CFHR5: variants seen among roughly 807,000 people sequenced by gnomAD.
The protein encoded by CFHR5 is complement factor H-related protein 5.
Under a neutral mutation model 62.9 loss-of-function variants are expected in CFHR5, and 73 were observed. The observed-to-expected ratio is 1.16, with a 90% CI of 0.96 to 1.41. The LOEUF (loss-of-function observed/expected upper bound fraction) is 1.41, where lower values mean the gene tolerates loss of function less well. Among genes scored for constraint, CFHR5 ranks in the 40% most tolerant of loss-of-function variants. The pLI, the probability that CFHR5 is intolerant of heterozygous loss-of-function variation, is 0.00. For missense variants in CFHR5, 779 were observed against 679.9 expected (o/e 1.15, Z -1.62); for synonymous variants, 249 against 227.2 (o/e 1.10, Z -0.86).
At chr1:196,976,323 T>C (rs188277947), upstream of CFHR5, among the ~76,000 whole-genome samples, 250 of 152,292 alleles carry the variant, frequency 1.6e-3, no homozygotes, top group African/African-American at 5.8e-3. Flanking sequence ...GGGCACTTTG[T>C]TGCTTGCTTC....
intron 3 of CFHR5, among the ~76,000 whole-genome samples, chr1:196,991,024 T>A (rs550068267): frequency 6.6e-6 from 1 of 152,128 alleles, no homozygotes; most frequent in Non-Finnish European, 1.5e-5. Context: ...GATTTGGTTT[T>A]TCACATAGTC....
Position 196,998,321 on chromosome 1 carries a change from A to G in CFHR5, c.1147+17A>G. 6.2e-7 allele frequency: 1 copy of G among 1,602,082 alleles called. No homozygotes were observed. Among genetic ancestry groups the G allele is most frequent in the Non-Finnish European group, 8.5e-7 (1 of 1,170,890 alleles). ...ACTGCACAGGTAAGATTTGTTTAAA[A>G]CATTTTGTTGATCTTGTTGCTTCTT... is the stretch of plus-strand genomic sequence containing the variant. On this transcript the variant is annotated intron_variant, in intron 7 of 9. Coordinates refer to ENST00000256785, the MANE Select transcript of CFHR5 (RefSeq NM_030787.4).
At position 197,004,663 on chromosome 1, in the gene CFHR5, T is replaced by C; in HGVS notation, c.1333T>C (p.Ser445Pro). 6.2e-7 allele frequency: 1 copy of C among 1,612,096 alleles called. No homozygotes were observed. The part of the protein sequence containing the change: ...RWQSLPRCVE[S>P]TAYCGPPPSI... ...AACAAATAAATGCTGTTTTCCAGAG[T>C]CTACTGCATATTGTGGGCCCCCTCC... The change falls in exon 9 of 10, where the codon TCT becomes CCT. Residue 445 changes from serine (S) to proline (P), a missense_variant and splice_region_variant. Physicochemically the swap from Ser to Pro is moderately conservative, Grantham distance 74. Transcript: ENST00000256785.
chr1:196,994,204 C>T lies in CFHR5; in HGVS notation c.555C>T (p.Asp185=), dbSNP rs2125033663. Residue 185 remains aspartate, a synonymous_variant, in exon 4 of 10, where the codon GAC becomes GAT. Transcript: ENST00000256785. The part of the protein sequence containing the change: ...CRKNLIRVGS[D]SVQCYQFGWS... ...AAAATCTTATAAGAGTTGGATCAGA[C>T]TCAGTTCAATGTTACCAATTTGGGT... 6.2e-7 allele frequency: 1 copy of T among 1,613,540 alleles called. No homozygotes were observed. Among genetic ancestry groups the T allele is most frequent in the Non-Finnish European group, 8.5e-7 (1 of 1,179,662 alleles).
At chr1:196,995,934 C>G in intron 5 of CFHR5, 35 bp downstream of exon 5, 3 of 1,596,462 alleles carry the variant, frequency 1.9e-6, no homozygotes, top group Non-Finnish European at 2.6e-6. Context: ...AGGACAGTTA[C>G]TATTACTTTG....
chr1:196,999,766 C>G (rs1033734656), intron 7 of CFHR5, among the ~76,000 whole-genome samples: 12 of 142,872 alleles, frequency 8.4e-5, no homozygotes, highest in Admixed American at 1.5e-4. Context: ...TATATACACA[C>G]ACACATATAT....
At chr1:196,975,373 C>A (rs1260157542), upstream of CFHR5, among the ~76,000 whole-genome samples, 3 of 152,058 alleles carry the variant, frequency 2.0e-5, no homozygotes, top group Non-Finnish European at 4.4e-5. Context: ...TGTTGCTCTT[C>A]ATGATGAAAG....
Position 196,998,148 on chromosome 1 carries a change from T to A in CFHR5, c.991T>A (p.Cys331Ser). The change falls in exon 7 of 10, where the codon TGC (cysteine) becomes AGC (serine). Residue 331 changes from cysteine to serine, a missense_variant. Coordinates refer to ENST00000256785, the MANE Select transcript of CFHR5 (RefSeq NM_030787.4). ...TATAGCAACACACCAACTTAAGAGG[T>A]GCAAAATAGCAGGAGTTAATATAAA... ...MCVATHQLKR[C>S]KIAGVNIKTL... 1 of 1,557,056 alleles carries A rather than the reference T, an allele frequency of 6.4e-7. No homozygotes were observed. The highest frequency in any genetic ancestry group is 1.2e-5 in the South Asian group (1 of 84,554).
chr1:196,983,756 A>G (rs576947035), intron 2 of CFHR5, among the ~76,000 whole-genome samples: 1 of 152,320 alleles, frequency 6.6e-6, no homozygotes, highest in East Asian at 1.9e-4. Context: ...CCATACAGCA[A>G]CAACATGAAA....
chr1:196,997,496 C>T (rs1654024996), intron 6 of CFHR5, among the ~76,000 whole-genome samples: 1 of 152,110 alleles, frequency 6.6e-6, no homozygotes, highest in African/African-American at 2.4e-5. Context: ...TAACTATCTA[C>T]ATGTTTATGG....
chr1:196,981,335 C>T (rs777481720), intron 1 of CFHR5, among the ~76,000 whole-genome samples: 3 of 151,582 alleles, frequency 2.0e-5, no homozygotes, highest in Non-Finnish European at 4.4e-5. Context: ...AAGAGTAAAC[C>T]CTAATGTAAA....
chr1:196,978,079 G>A (rs554476155), intron 1 of CFHR5, among the ~76,000 whole-genome samples: 1 of 152,132 alleles, frequency 6.6e-6, no homozygotes, highest in East Asian at 1.9e-4. Context: ...AACCCCAAAA[G>A]ATTTGGCCAC....
chr1:196,979,681 C>A (rs1385446608), intron 1 of CFHR5, among the ~76,000 whole-genome samples: 1 of 152,020 alleles, frequency 6.6e-6, no homozygotes, highest in Admixed American at 6.6e-5. Flanking sequence ...CCATACACTA[C>A]TGTAAACTTC....
chr1:196,977,186 CAG>C (rs1352620080), upstream of CFHR5, among the ~76,000 whole-genome samples: 4 of 151,642 alleles, frequency 2.6e-5, no homozygotes, highest in Non-Finnish European at 4.4e-5. Context: ...TTCTTAGTGC[CAG>C]TTTTAAAAGG....
chr1:196,987,784 G>A (rs1653733768), intron 3 of CFHR5, among the ~76,000 whole-genome samples: 2 of 152,156 alleles, frequency 1.3e-5, no homozygotes, highest in African/African-American at 2.4e-5. Flanking sequence ...TTGTAGTATA[G>A]TTTGAAGTTA....
At chr1:196,981,019 T>G (rs1653528133) in intron 1 of CFHR5, among the ~76,000 whole-genome samples, 1 of 152,160 alleles carries the variant, frequency 6.6e-6, no homozygotes, top group Non-Finnish European at 1.5e-5. Flanking sequence ...ATGTCAATTT[T>G]TAAACAGTTA....
chr1:197,006,898 G>A lies in CFHR5; in HGVS notation c.1514-1589G>A, dbSNP rs373881541. Among the ~76,000 whole-genome samples the A allele has an allele frequency of 2.6e-3, 396 of 150,614 alleles. 3 individuals are homozygous for A. The highest frequency in any genetic ancestry group is 6.7e-3 in the South Asian group (32 of 4,750). On this transcript the variant is annotated intron_variant, in intron 9 of 9. Coordinates refer to ENST00000256785, the MANE Select transcript of CFHR5 (RefSeq NM_030787.4). Reference sequence around the variant, plus strand: ...GTCACCCAGGCTGGAGCGCAGTGGCGTGATCTCGGCTCATTGCAACCTCCG... The same window carrying A: ...GTCACCCAGGCTGGAGCGCAGTGGCATGATCTCGGCTCATTGCAACCTCCG...
Position 196,999,722 on chromosome 1 carries a change from T to TATATACACAC in CFHR5, c.1147+1419_1147+1420insTATACACACA, listed in dbSNP as rs1164729053. Among the ~76,000 whole-genome samples the TATATACACAC allele has an allele frequency of 3.0e-3, 351 of 115,954 alleles. 3 individuals are homozygous for TATATACACAC. Among genetic ancestry groups the TATATACACAC allele is most frequent in the African/African-American group, 0.012 (333 of 28,620 alleles). The allele number at this position is 115,954 out of a possible 152,430, so 76.1% of individuals were successfully genotyped here. A position where few individuals can be genotyped will look rare whatever the true frequency, so the allele number is the denominator to read the frequency against. On this transcript the variant is annotated intron_variant, in intron 7 of 9. Coordinates refer to ENST00000256785, the MANE Select transcript of CFHR5 (RefSeq NM_030787.4). ...ATATATATATATATATATATATATATACACACACACACATATATATACACA... is the reference window on the plus strand; with the variant it reads ...ATATATATATATATATATATATATATATATACACACACACACACACACATATATATACACA...
chr1:196,985,792 A>G (rs906992871), intron 3 of CFHR5, among the ~76,000 whole-genome samples: 3 of 152,196 alleles, frequency 2.0e-5, no homozygotes, highest in Non-Finnish European at 2.9e-5. Context: ...TGTGACACAA[A>G]AAATATCCCA....
Sources: gnomAD v4.1 joint callset for allele counts (sites outside exome capture counted in the v4.1 genomes callset) on GRCh38, gnomAD v4.1.1 for gene constraint, MANE v1.5 for transcripts, NCBI Gene and HGNC (gene_info 2026-07-23, HGNC 2026-07-21) for gene names.